The following ITGA6 variants were observed in gnomAD, a reference collection of about 807,000 sequenced individuals.
ITGA6 encodes the protein integrin subunit alpha 6, also known as integrin alpha-6.
A neutral mutation model predicts 133.6 loss-of-function variants in ITGA6; 63 were observed. The observed-to-expected ratio is 0.47, with a 90% confidence interval of 0.38 to 0.58. ITGA6 has a LOEUF of 0.58. Among genes scored for constraint, ITGA6 ranks in the 20% least tolerant of loss-of-function variants. ITGA6 has a pLI of 0.00. For missense variants in ITGA6, 1,068 were observed against 1,309.4 expected, an observed-to-expected ratio of 0.82 and a Z score of 2.85; for synonymous variants, 434 against 482.0, an observed-to-expected ratio of 0.90 and a Z score of 1.30.
chr2:172,435,446 G>A (rs1346915901), intron 1 of ITGA6, among the ~76,000 whole-genome samples: 3 of 151,860 alleles, frequency 2.0e-5, no homozygotes, highest in Non-Finnish European at 2.9e-5. Flanking sequence ...CAAAGGTATC[G>A]AAACAATAAA....
At chr2:172,435,617 T>A (rs909952952) in intron 1 of ITGA6, among the ~76,000 whole-genome samples, 34 of 100,552 alleles carry the variant, frequency 3.4e-4, no homozygotes, top group Non-Finnish European at 4.8e-4. Context: ...GTTTTGTTTC[T>A]TTTTTTTTTT....
chr2:172,462,368 G>A (rs913441639), intron 1 of ITGA6, among the ~76,000 whole-genome samples: 5 of 152,188 alleles, frequency 3.3e-5, no homozygotes, highest in African/African-American at 4.8e-5. Flanking sequence ...GGCTGAGCTC[G>A]CCCAGAGGCG....
intron 1 of ITGA6, among the ~76,000 whole-genome samples, chr2:172,450,810 G>A (rs996948238): frequency 4.1e-5 from 6 of 144,772 alleles, no homozygotes; most frequent in African/African-American, 1.5e-4. Flanking sequence ...TATATATTTT[G>A]TATGTATGTG....
intron 11 of ITGA6, among the ~76,000 whole-genome samples, chr2:172,481,392 C>A (rs1047198616): frequency 2.0e-5 from 3 of 152,218 alleles, no homozygotes; most frequent in Admixed American, 2.0e-4. Context: ...CTTAGCTGTA[C>A]TCTAATTCTT....
chr2:172,464,143 T>G (rs1266734497), intron 1 of ITGA6: 1 of 152,316 alleles, frequency 6.6e-6, no homozygotes, highest in Non-Finnish European at 1.5e-5. Context: ...GTGTTATCCA[T>G]GAGCCACCCC....
At chr2:172,437,244 T>C (rs1476371906) in intron 1 of ITGA6, among the ~76,000 whole-genome samples, 1 of 152,244 alleles carries the variant, frequency 6.6e-6, no homozygotes, top group African/African-American at 2.4e-5. Flanking sequence ...TTCTCTGGCC[T>C]GCAGCCTTGA....
At chr2:172,499,078 A>T (rs1687245173) in intron 24 of ITGA6, among the ~76,000 whole-genome samples, 1 of 152,212 alleles carries the variant, frequency 6.6e-6, no homozygotes, top group African/African-American at 2.4e-5. Flanking sequence ...GGATCAGACT[A>T]TCCTTTTCTT....
intron 1 of ITGA6, among the ~76,000 whole-genome samples, chr2:172,436,514 A>G (rs114183491): frequency 6.6e-6 from 1 of 152,178 alleles, no homozygotes; most frequent in Non-Finnish European, 1.5e-5. Flanking sequence ...CCTCTCCCCA[A>G]GCTTAGCAGC....
At position 172,469,129 on chromosome 2, in the gene ITGA6, G is replaced by A. The variant is rs1685806116; in HGVS notation, c.392G>A (p.Cys131Tyr). 1 of 1,614,098 alleles carries A rather than the reference G, an allele frequency of 6.2e-7. No homozygotes were observed. The highest frequency in any genetic ancestry group is 8.5e-7 in the Non-Finnish European group (1 of 1,179,988). Reference protein sequence around the residue: ...SQGPGGKVVTCAHRYEKRQHV... With the variant: ...SQGPGGKVVTYAHRYEKRQHV... ...CTTTCTTCCATCTGCTTGCAGACATGTGCTCACCGATATGAAAAAAGGCAG... is the reference window on the plus strand; with the variant it reads ...CTTTCTTCCATCTGCTTGCAGACATATGCTCACCGATATGAAAAAAGGCAG... Residue 131 changes from cysteine (C) to tyrosine (Y), a missense_variant, in exon 4 of 26, where the codon TGT (cysteine) becomes TAT (tyrosine). Transcript: ENST00000684293.
chr2:172,444,744 T>C (rs1437727874), intron 1 of ITGA6, among the ~76,000 whole-genome samples: 11 of 126,620 alleles, frequency 8.7e-5, no homozygotes, highest in Non-Finnish European at 1.6e-4. Flanking sequence ...GGAACCCCCC[T>C]AATCGCCACG....
At chr2:172,502,343 C>T (rs1468783184) in intron 25 of ITGA6, among the ~76,000 whole-genome samples, 3 of 152,108 alleles carry the variant, frequency 2.0e-5, no homozygotes, top group Non-Finnish European at 4.4e-5. Flanking sequence ...GCCTAATTAA[C>T]CTGTTGCATG....
At chr2:172,498,269 ATATTTACCGAATATTTTG>A (rs1687211187) in intron 24 of ITGA6, among the ~76,000 whole-genome samples, 169 bp downstream of exon 24, 1 of 152,210 alleles carries the variant, frequency 6.6e-6, no homozygotes, top group Admixed American at 6.5e-5. Flanking sequence ...GAACACCTGT[ATATTTACCGAATATTTTG>A]TATTTAAAGT....
intron 1 of ITGA6, among the ~76,000 whole-genome samples, chr2:172,447,850 C>T (rs1248658126): frequency 7.0e-6 from 1 of 143,168 alleles, no homozygotes; most frequent in African/African-American, 3.0e-5. Flanking sequence ...ACATTTTTTC[C>T]CCCGGTACGT....
chr2:172,447,008 G>A (rs1462369586), intron 1 of ITGA6, among the ~76,000 whole-genome samples: 4 of 151,942 alleles, frequency 2.6e-5, no homozygotes, highest in Non-Finnish European at 5.9e-5. Context: ...AGCGATTCTT[G>A]TGCCTTGGCC....
At position 172,427,791 on chromosome 2, in the gene ITGA6, GGCC is replaced by G; in HGVS notation, c.11_13del (p.Ala4del). 6.3e-7 allele frequency: 1 copy of G among 1,592,900 alleles called. No individual in the cohort carries two copies. Among genetic ancestry groups the G allele is most frequent in the Non-Finnish European group, 8.5e-7 (1 of 1,171,338 alleles). On this transcript the variant is annotated inframe_deletion, in exon 1 of 26. Transcript: ENST00000684293. ...CTCCCCTCCCCGTGCGTCCGCCCAT[GGCC>G]GCCGCCGGGCAGCTGTGCTTGCTCT...
At chr2:172,489,780 G>A (rs1240209018) in intron 20 of ITGA6, 122 bp downstream of exon 20, 1 of 928,972 alleles carries the variant, frequency 1.1e-6, no homozygotes, top group Admixed American at 2.2e-5. Context: ...TTTCTCTTTG[G>A]TTGTCACAAT....
intron 1 of ITGA6, among the ~76,000 whole-genome samples, chr2:172,438,904 AT>A (rs905813850): frequency 1.1e-4 from 16 of 151,948 alleles, no homozygotes; most frequent in Non-Finnish European, 2.4e-4. Flanking sequence ...AAGGGGAAAT[AT>A]GGGACTTGGA....
chr2:172,444,597 C>A (rs1684677075), intron 1 of ITGA6, among the ~76,000 whole-genome samples: 1 of 118,342 alleles, frequency 8.5e-6, no homozygotes, highest in Non-Finnish European at 1.7e-5. Context: ...CGCCCCCCGC[C>A]CCCCGCCAAA....
intron 1 of ITGA6, among the ~76,000 whole-genome samples, chr2:172,449,005 T>A (rs567580362): frequency 1.3e-5 from 2 of 152,194 alleles, no homozygotes; most frequent in East Asian, 3.9e-4. Context: ...TGACAGTGTT[T>A]ATGGGGTTGG....
Sources: allele counts gnomAD v4.1 joint callset (sites outside exome capture counted in the v4.1 genomes callset), GRCh38; gene constraint gnomAD v4.1.1; transcripts MANE v1.5; gene names NCBI Gene and HGNC (gene_info 2026-07-23, HGNC 2026-07-21).